The following WWOX variants were observed in gnomAD, a reference collection of about 807,000 sequenced individuals.
The protein encoded by WWOX is WW domain-containing oxidoreductase.
A neutral mutation model predicts 46.2 loss-of-function variants in WWOX; 69 were observed. The observed-to-expected ratio is 1.49, with a 90% CI of 1.23 to 1.82. WWOX has a LOEUF of 1.82. Ranked by LOEUF, WWOX falls within the 40% of genes most tolerant of loss-of-function variation. WWOX has a pLI of 0.00. For missense variants in WWOX, 919 were observed against 542.6 expected (o/e 1.69, Z -6.89); for synonymous variants, 359 against 202.6 (o/e 1.77, Z -6.56).
At chr16:79,094,868 T>C (rs2049037548) in intron 8 of WWOX, among the ~76,000 whole-genome samples, 1 of 152,192 alleles carries the variant, frequency 6.6e-6, no homozygotes, top group African/African-American at 2.4e-5. Context: ...ACACTGTGTC[T>C]ACCCCAGAGT....
At chr16:78,586,183 C>G (rs183796445) in intron 8 of WWOX, among the ~76,000 whole-genome samples, 2 of 152,102 alleles carry the variant, frequency 1.3e-5, no homozygotes, top group Non-Finnish European at 2.9e-5. Flanking sequence ...ATAGCGAGAC[C>G]CTGTTTCTTA....
intron 8 of WWOX, among the ~76,000 whole-genome samples, chr16:78,658,563 G>C (rs1327078639): frequency 2.6e-5 from 4 of 152,162 alleles, no homozygotes; most frequent in African/African-American, 4.8e-5. Context: ...GTGAAAGCCT[G>C]CTCCGTGCCT....
chr16:78,852,260 C>G (rs117795652), intron 8 of WWOX, among the ~76,000 whole-genome samples: 1,536 of 152,280 alleles, frequency 0.01, 11 homozygotes, highest in Middle Eastern at 0.038. Flanking sequence ...GTATATTTCT[C>G]TTCTACTCTG....
intron 8 of WWOX, among the ~76,000 whole-genome samples, chr16:78,752,073 A>G (rs2049496498): frequency 1.3e-5 from 2 of 152,190 alleles, no homozygotes; most frequent in African/African-American, 2.4e-5. Flanking sequence ...AAATTCTAAC[A>G]TTGGTAAAAC....
At chr16:78,821,112 C>T (rs1305092930) in intron 8 of WWOX, among the ~76,000 whole-genome samples, 5 of 152,188 alleles carry the variant, frequency 3.3e-5, no homozygotes, top group Admixed American at 3.3e-4. Flanking sequence ...CACTATTGAA[C>T]CCACTGCACT....
At chr16:78,278,633 T>C (rs982000472) in intron 5 of WWOX, 4 of 1,610,730 alleles carry the variant, frequency 2.5e-6, no homozygotes, top group Admixed American at 1.7e-5. Context: ...GCCAGAAAAG[T>C]GCAGAATAAA....
intron 8 of WWOX, among the ~76,000 whole-genome samples, chr16:78,600,237 G>T (rs747972928): frequency 1.3e-5 from 2 of 151,964 alleles, no homozygotes; most frequent in Non-Finnish European, 2.9e-5. Context: ...GGAATTGTGG[G>T]AGCGACAGTT....
At chr16:78,985,380 C>T (rs1022975430) in intron 8 of WWOX, among the ~76,000 whole-genome samples, 13 of 152,200 alleles carry the variant, frequency 8.5e-5, no homozygotes, top group African/African-American at 3.1e-4. Flanking sequence ...CACCACAGGG[C>T]TAATAGCAGT....
At chr16:78,612,711 A>G (rs2045929674) in intron 8 of WWOX, among the ~76,000 whole-genome samples, 1 of 152,048 alleles carries the variant, frequency 6.6e-6, no homozygotes, top group African/African-American at 2.4e-5. Context: ...CTGGCCTCTC[A>G]AGCCATCCTC....
chr16:78,471,471 C>T (rs915435759), intron 8 of WWOX, among the ~76,000 whole-genome samples: 4 of 152,214 alleles, frequency 2.6e-5, no homozygotes, highest in African/African-American at 4.8e-5. Flanking sequence ...CATAGGAAGA[C>T]GTTCTCCATC....
At chr16:78,653,248 A>G (rs573766551) in intron 8 of WWOX, among the ~76,000 whole-genome samples, 4 of 152,232 alleles carry the variant, frequency 2.6e-5, no homozygotes, top group Non-Finnish European at 5.9e-5. Context: ...AATGAATTGT[A>G]TTTTATGTAA....
At chr16:78,927,486 A>T (rs1026899029) in intron 8 of WWOX, among the ~76,000 whole-genome samples, 2 of 152,180 alleles carry the variant, frequency 1.3e-5, no homozygotes, top group Non-Finnish European at 2.9e-5. Context: ...CCCTTGCCTC[A>T]GCACGGAGCC....
At chr16:78,807,039 T>G (rs1206859682) in intron 8 of WWOX, among the ~76,000 whole-genome samples, 1 of 152,206 alleles carries the variant, frequency 6.6e-6, no homozygotes, top group African/African-American at 2.4e-5. Context: ...GTGCTGAGGA[T>G]TATGCAAATA....
chr16:78,838,579 C>G (rs1006592284), intron 8 of WWOX, among the ~76,000 whole-genome samples: 1 of 152,204 alleles, frequency 6.6e-6, no homozygotes, highest in African/African-American at 2.4e-5. Flanking sequence ...CGGTGGCTCA[C>G]TCCTGTAATC....
intron 8 of WWOX, among the ~76,000 whole-genome samples, chr16:78,955,184 G>C (rs796381217): frequency 1.3e-5 from 2 of 152,188 alleles, no homozygotes; most frequent in Admixed American, 6.5e-5. Context: ...AGAGACTGCA[G>C]GGGTCAGAGA....
At chr16:78,305,091 C>G (rs1490971561) in intron 5 of WWOX, among the ~76,000 whole-genome samples, 4 of 152,162 alleles carry the variant, frequency 2.6e-5, no homozygotes, top group African/African-American at 4.8e-5. Context: ...TGAATTCTGT[C>G]TTTTCTGCTG....
At position 78,702,120 on chromosome 16, in the gene WWOX, A is replaced by ATATATATATATATATATATTTATT. The variant is rs1207718237; in HGVS notation, c.1056+269371_1056+269372insATATATATATATATATTTATTTAT. Among the ~76,000 whole-genome samples the ATATATATATATATATATATTTATT allele has an allele frequency of 3.2e-3, 411 of 129,992 alleles. 8 individuals are homozygous for ATATATATATATATATATATTTATT. Among genetic ancestry groups the ATATATATATATATATATATTTATT allele is most frequent in the African/African-American group, 0.013 (398 of 30,242 alleles). The allele number at this position is 129,992 out of a possible 152,430, so 85.3% of individuals were successfully genotyped here. ...TAAAGTTATATATATATATATATAT[A>ATATATATATATATATATATTTATT]TATTTATTTATTTTCAAGACATGGT... On this transcript the variant is annotated intron_variant, in intron 8 of 8. Transcript: ENST00000566780.
intron 8 of WWOX, among the ~76,000 whole-genome samples, chr16:78,491,630 C>T (rs572291855): frequency 2.0e-5 from 3 of 152,018 alleles, no homozygotes; most frequent in Non-Finnish European, 2.9e-5. Context: ...ACCTGGCTAC[C>T]GTGTCTTGTT....
At chr16:78,155,677 G>C (rs190260026) in intron 4 of WWOX, among the ~76,000 whole-genome samples, 2 of 152,144 alleles carry the variant, frequency 1.3e-5, no homozygotes, top group African/African-American at 4.8e-5. Flanking sequence ...TTTAAACATT[G>C]TCATAAAGTT....
Sources: allele counts gnomAD v4.1 joint callset (sites outside exome capture counted in the v4.1 genomes callset), GRCh38; gene constraint gnomAD v4.1.1; transcripts MANE v1.5; gene names NCBI Gene and HGNC (gene_info 2026-07-23, HGNC 2026-07-21).